GARIN2: variants seen among roughly 807,000 people sequenced by gnomAD.
GARIN2 encodes golgi associated RAB2 interactor family member 2, also known as Golgi-associated RAB2 interactor protein 2.
chr14:67,204,565 T>C, the GARIN2 span: 1 of 1,613,484 alleles, frequency 6.2e-7, no homozygotes, highest in Non-Finnish European at 8.5e-7. Flanking sequence ...TGTGACTCTT[T>C]CTGTGCATGA....
chr14:67,214,873 G>A, the GARIN2 span, among the ~76,000 whole-genome samples: 35,057 of 151,318 alleles, frequency 0.23, 5,586 homozygotes, highest in East Asian at 0.44. Flanking sequence ...CCTTGAAGAG[G>A]TCCTTCACAT....
the GARIN2 span, among the ~76,000 whole-genome samples, chr14:67,206,679 G>C: frequency 6.6e-6 from 1 of 152,064 alleles, no homozygotes; most frequent in Admixed American, 6.6e-5. Context: ...AGTGAAATGT[G>C]CATAGAAGTA....
chr14:67,222,104 C>CCA, the GARIN2 span: 2 of 318,952 alleles, frequency 6.3e-6, no homozygotes, highest in Non-Finnish European at 1.1e-5. Flanking sequence ...CAAGCATAAA[C>CCA]CACGCCAAGC....
the GARIN2 span, chr14:67,199,383 A>T: frequency 6.2e-7 from 1 of 1,613,834 alleles, no homozygotes; most frequent in East Asian, 2.2e-5. Context: ...GGGAACCTGG[A>T]CCCTGAGATT....
chr14:67,208,550 T>A, the GARIN2 span: 4 of 1,241,424 alleles, frequency 3.2e-6, no homozygotes, highest in African/African-American at 3.0e-5. Context: ...CCACTGAAGA[T>A]TCTCAGAGAC....
chr14:67,208,896 CAA>C, the GARIN2 span, among the ~76,000 whole-genome samples: 3 of 65,660 alleles, frequency 4.6e-5, no homozygotes, highest in Non-Finnish European at 9.2e-5. Flanking sequence ...AACTCTGTCT[CAA>C]AAAAAAAAAA....
At chr14:67,210,731 C>G in the GARIN2 span, among the ~76,000 whole-genome samples, 2 of 151,552 alleles carry the variant, frequency 1.3e-5, no homozygotes, top group Non-Finnish European at 2.9e-5. Flanking sequence ...TGAACTTTGC[C>G]ACAGGTCATG....
chr14:67,206,776 G>T, the GARIN2 span, among the ~76,000 whole-genome samples: 1 of 151,960 alleles, frequency 6.6e-6, no homozygotes, highest in East Asian at 1.9e-4. Flanking sequence ...CGTTGCCCAG[G>T]CTGGAGTGCA....
the GARIN2 span, among the ~76,000 whole-genome samples, chr14:67,211,587 T>C: frequency 6.6e-6 from 1 of 152,290 alleles, no homozygotes; most frequent in Non-Finnish European, 1.5e-5. Flanking sequence ...AAAGTAAAAA[T>C]TATTTTAACA....
chr14:67,222,271 C>A, the GARIN2 span, among the ~76,000 whole-genome samples: 1 of 152,078 alleles, frequency 6.6e-6, no homozygotes, highest in Non-Finnish European at 1.5e-5. Flanking sequence ...CCAGGTGATA[C>A]TATTTAATGT....
the GARIN2 span, chr14:67,208,034 G>T: frequency 1.1e-5 from 6 of 536,442 alleles, no homozygotes; most frequent in South Asian, 4.8e-4. Context: ...CACACCCGGG[G>T]CTCTCCCAAT....
At chr14:67,208,116 G>C in the GARIN2 span, 1 of 1,543,948 alleles carries the variant, frequency 6.5e-7, no homozygotes, top group Non-Finnish European at 8.7e-7. Flanking sequence ...GAATGAAATG[G>C]TGCCTGTATT....
chr14:67,210,179 A>T, the GARIN2 span, among the ~76,000 whole-genome samples: 2 of 152,230 alleles, frequency 1.3e-5, no homozygotes, highest in African/African-American at 4.8e-5. Flanking sequence ...CATATGGAAA[A>T]CCTGTAAGTA....
At chr14:67,205,476 T>C in the GARIN2 span, among the ~76,000 whole-genome samples, 3 of 152,192 alleles carry the variant, frequency 2.0e-5, no homozygotes, top group African/African-American at 7.2e-5. Context: ...AAGGGTTAAT[T>C]TCTGGTTTAA....
At chr14:67,210,808 T>C in the GARIN2 span, among the ~76,000 whole-genome samples, 1,799 of 151,882 alleles carry the variant, frequency 0.012, 36 homozygotes, top group African/African-American at 0.041. Flanking sequence ...AGTCCAGGAG[T>C]TCGAGACCAG....
the GARIN2 span, chr14:67,204,470 T>G: frequency 6.8e-7 from 1 of 1,469,200 alleles, no homozygotes; most frequent in Admixed American, 2.8e-5. Flanking sequence ...TATATATATA[T>G]AAGAAAGGCC....
the GARIN2 span, chr14:67,198,286 T>C: frequency 1.2e-6 from 2 of 1,613,880 alleles, no homozygotes; most frequent in Non-Finnish European, 1.7e-6. Context: ...GCCCCTTTTG[T>C]ATCTCCTCCC....
At chr14:67,226,384 C>T in the GARIN2 span, among the ~76,000 whole-genome samples, 5,307 of 148,000 alleles carry the variant, frequency 0.036, 103 homozygotes, top group African/African-American at 0.046. Flanking sequence ...TTTTTTGAGA[C>T]GGAGTCTCGC....
chr14:67,216,069 CACCGTGTCCTCCT>C, the GARIN2 span, among the ~76,000 whole-genome samples: 1 of 152,154 alleles, frequency 6.6e-6, no homozygotes, highest in Non-Finnish European at 1.5e-5. Context: ...ACACGCCTCC[CACCGTGTCCTCCT>C]ACCAATCCCC....
Sources: allele counts gnomAD v4.1 joint callset (sites outside exome capture counted in the v4.1 genomes callset), GRCh38; gene constraint gnomAD v4.1.1; transcripts MANE v1.5; gene names NCBI Gene and HGNC (gene_info 2026-07-23, HGNC 2026-07-21).